HMCN1: variants seen among roughly 807,000 people sequenced by gnomAD.
HMCN1 encodes the protein hemicentin 1.
HMCN1 carries 321 observed loss-of-function variants against 625.9 expected under a neutral mutation model. That is an observed-to-expected ratio of 0.51 (90% CI 0.47 to 0.56). The LOEUF (loss-of-function observed/expected upper bound fraction) is 0.56. Ranked by LOEUF, HMCN1 falls within the 20% of genes least tolerant of loss-of-function variation. The pLI, the probability that HMCN1 is intolerant of heterozygous loss-of-function variation, is 0.00. For synonymous variants in HMCN1, 2,425 were observed against 2,417.6 expected (o/e 1.00, Z -0.09); for missense variants, 6,588 against 6,887.3 (o/e 0.96, Z 1.54).
intron 4 of HMCN1, among the ~76,000 whole-genome samples, chr1:185,876,071 C>A (rs1663909719): frequency 6.6e-6 from 1 of 152,038 alleles, no homozygotes; most frequent in African/African-American, 2.4e-5. Flanking sequence ...ACCACCCTCC[C>A]CACATTTTGT....
intron 97 of HMCN1, among the ~76,000 whole-genome samples, chr1:186,156,803 G>A (rs1317821276): frequency 1.3e-5 from 2 of 152,090 alleles, no homozygotes; most frequent in Non-Finnish European, 2.9e-5. Flanking sequence ...CACTGAAATA[G>A]GAAATATTTA....
chr1:185,967,688 G>T lies in HMCN1; in HGVS notation c.2212+1773G>T, dbSNP rs557493592. Among the ~76,000 whole-genome samples, 5 of 152,052 alleles carry T rather than the reference G, an allele frequency of 3.3e-5. No homozygotes were observed. In the South Asian group the frequency reaches 6.2e-4, roughly 19 times the overall value. Reference sequence around the variant, plus strand: ...GCAAACTGGCCTCAAAATGGAGGGGGTTAGGAGCAGGTGGGCTTTCCAGTC... The same window carrying T: ...GCAAACTGGCCTCAAAATGGAGGGGTTTAGGAGCAGGTGGGCTTTCCAGTC... On this transcript the variant is annotated intron_variant, in intron 14 of 106. Coordinates refer to ENST00000271588, the MANE Select transcript of HMCN1 (RefSeq NM_031935.3).
At position 185,989,477 on chromosome 1, in the gene HMCN1, G is replaced by A. The variant is rs372391582; in HGVS notation, c.3049-11G>A. The stretch of plus-strand genomic sequence containing the variant: ...AACAAAAAACCCTTTGCTTTTCGCC[G>A]TGTTTTGCAGAAAGGAGAGCTGATT... On this transcript the variant is annotated splice_polypyrimidine_tract_variant and intron_variant, in intron 20 of 106. Coordinates refer to ENST00000271588, the MANE Select transcript of HMCN1 (RefSeq NM_031935.3). 4.0e-5 allele frequency: 65 copies of A among 1,613,420 alleles called. No homozygotes were observed. The highest frequency in any genetic ancestry group is 1.5e-4 in the Admixed American group (9 of 59,986).
intron 49 of HMCN1, among the ~76,000 whole-genome samples, chr1:186,067,084 A>C (rs969983162): frequency 4.6e-5 from 7 of 152,074 alleles, no homozygotes; most frequent in Non-Finnish European, 7.4e-5. Flanking sequence ...ATCTTTCTAC[A>C]TTTTATATTT....
chr1:185,735,043 T>G lies in HMCN1; in HGVS notation c.264T>G (p.Asp88Glu). 6.2e-7 allele frequency: 1 copy of G among 1,614,128 alleles called. No individual in the cohort carries two copies. The highest frequency in any genetic ancestry group is 8.5e-7 in the Non-Finnish European group (1 of 1,179,924). ...LFNFALVPFH[D>E]PEIGPVTITT... ...ACTTTGCGTTGGTGCCTTTCCATGATCCAGGTAAGGGAAATATTTATACTT... is the reference window on the plus strand; with the variant it reads ...ACTTTGCGTTGGTGCCTTTCCATGAGCCAGGTAAGGGAAATATTTATACTT... Residue 88 changes from aspartate (D) to glutamate (E), a missense_variant, in exon 1 of 107, where the codon GAT becomes GAG. Coordinates refer to ENST00000271588, the MANE Select transcript of HMCN1 (RefSeq NM_031935.3).
intron 4 of HMCN1, among the ~76,000 whole-genome samples, chr1:185,882,475 C>A (rs1664368749): frequency 6.7e-6 from 1 of 150,174 alleles, no homozygotes; most frequent in South Asian, 2.1e-4. Flanking sequence ...TTTTACATTT[C>A]TTTTCTGTGT....
At chr1:185,989,772 A>ATTTTTTTTTTTTTTTTTTTTTTTT (rs1156913510) in intron 21 of HMCN1, 125 bp downstream of exon 21, 1 of 490,924 alleles carries the variant, frequency 2.0e-6, no homozygotes, top group Non-Finnish European at 3.3e-6. Context: ...CCAGATTTCT[A>ATTTTTTTTTTTTTTTTTTTTTTTT]TTTTTTTTTT....
chr1:186,185,913 A>G (rs1377240497), intron 105 of HMCN1, among the ~76,000 whole-genome samples: 1 of 152,210 alleles, frequency 6.6e-6, no homozygotes, highest in African/African-American at 2.4e-5. Context: ...CCAATGCTAT[A>G]TGCAGCCAAT....
intron 12 of HMCN1, among the ~76,000 whole-genome samples, chr1:185,963,447 T>A (rs1650171651): frequency 2.0e-5 from 3 of 152,164 alleles, no homozygotes; most frequent in African/African-American, 7.2e-5. Flanking sequence ...TGGCTTTGGG[T>A]GAGTTATGTA....
At chr1:185,785,061 G>A (rs1657464956) in intron 1 of HMCN1, among the ~76,000 whole-genome samples, 1 of 151,304 alleles carries the variant, frequency 6.6e-6, no homozygotes, top group Non-Finnish European at 1.5e-5. Context: ...ATATACCATA[G>A]CTTGTTTATC....
rs1667105357 is a variant in HMCN1, at chr1:185,923,550, T to A, written c.1182T>A (p.Phe394Leu). The A allele has an allele frequency of 1.9e-6, 3 of 1,611,730 alleles. No homozygotes were observed. In the African/African-American group the frequency reaches 4.0e-5, roughly 22 times the overall value. ...KPYGIWNISD[F>L]VPPNEAFFLK... ...ATGGCATATGGAATATTTCTGACTT[T>A]GTACCACCAAATGAAGCTTTCTTTC... Residue 394 changes from phenylalanine (F) to leucine (L), a missense_variant, in exon 8 of 107, where the codon TTT becomes TTA. Phe to Leu is a conservative substitution (Grantham distance 22, BLOSUM62 0). Around this residue, in one of 3 missense-constraint regions of HMCN1, gnomAD observed 4,628 missense variants for 4,853.1 expected, o/e 0.95. Transcript: ENST00000271588.
chr1:186,147,220 C>A (rs765379313), intron 93 of HMCN1, among the ~76,000 whole-genome samples: 1 of 152,154 alleles, frequency 6.6e-6, no homozygotes. Context: ...CTTCTGCCCT[C>A]CCTGGCTTAG....
At chr1:185,758,309 A>G (rs1655266144) in intron 1 of HMCN1, among the ~76,000 whole-genome samples, 1 of 152,192 alleles carries the variant, frequency 6.6e-6, no homozygotes, top group African/African-American at 2.4e-5. Flanking sequence ...CCGGAGGATT[A>G]CAATTTCCAT....
chr1:186,091,756 A>G (rs1201834921), intron 64 of HMCN1, among the ~76,000 whole-genome samples: 3 of 152,056 alleles, frequency 2.0e-5, no homozygotes, highest in Non-Finnish European at 4.4e-5. Flanking sequence ...GGCATTAACT[A>G]CATGTATTGT....
chr1:185,852,499 T>G (rs1256088168), intron 2 of HMCN1, among the ~76,000 whole-genome samples: 1 of 151,510 alleles, frequency 6.6e-6, no homozygotes, highest in East Asian at 1.9e-4. Context: ...TTGGACATGA[T>G]TAGACATGAT....
At chr1:185,970,577 A>G (rs1266071067) in intron 15 of HMCN1, 84 bp downstream of exon 15, 1 of 1,237,072 alleles carries the variant, frequency 8.1e-7, no homozygotes, top group African/African-American at 1.5e-5. Context: ...ATGGTTTGGT[A>G]GAATTATTCA....
At chr1:186,061,075 C>T (rs1320946873) in intron 46 of HMCN1, among the ~76,000 whole-genome samples, 1 of 152,098 alleles carries the variant, frequency 6.6e-6, no homozygotes, top group Non-Finnish European at 1.5e-5. Context: ...GCTTTTGATA[C>T]CACTTCTCAC....
chr1:185,912,687 C>G (rs546223821), intron 6 of HMCN1, among the ~76,000 whole-genome samples: 6 of 152,168 alleles, frequency 3.9e-5, no homozygotes, highest in African/African-American at 1.4e-4. Flanking sequence ...CCCTCGGGAG[C>G]AGCTATTAGC....
rs1483162375 is a variant in HMCN1 at position 185,990,302 on chromosome 1, G to A, written c.3236G>A (p.Arg1079Gln). The A allele has an allele frequency of 1.2e-6, 2 of 1,613,918 alleles. No individual in the cohort carries two copies. The highest frequency in any genetic ancestry group is 2.2e-5 in the East Asian group (1 of 44,872). The change falls in exon 22 of 107, where the codon CGA becomes CAA. Residue 1079 changes from arginine to glutamine, a missense_variant. By Grantham distance (43) the Arg-to-Gln change is conservative. This residue lies in a region of HMCN1 where 4,628 missense variants were observed against 4,853.1 expected (regional missense o/e 0.95). Transcript: ENST00000271588. ...YVRPRVFGDQ[R>Q]GLSQDKPVEI... ...AGGCCCAGAGTGTTTGGAGATCAACGAGGACTGTCCCAGGATAAGCCTGTT... is the reference window on the plus strand; with the variant it reads ...AGGCCCAGAGTGTTTGGAGATCAACAAGGACTGTCCCAGGATAAGCCTGTT...
Sources: gnomAD v4.1 joint callset for allele counts (sites outside exome capture counted in the v4.1 genomes callset) on GRCh38, gnomAD v4.1.1 for gene constraint, gnomAD v4.1.1 regional missense constraint, MANE v1.5 for transcripts, NCBI Gene and HGNC (gene_info 2026-07-23, HGNC 2026-07-21) for gene names.